Variants in LRRTM4 observed in about 807,000 individuals in gnomAD.
LRRTM4 encodes the protein leucine-rich repeat transmembrane neuronal protein 4.
Under a neutral mutation model 47.6 loss-of-function variants are expected in LRRTM4, and 25 were observed. The observed-to-expected ratio is 0.53, with a 90% confidence interval of 0.38 to 0.73. The LOEUF (loss-of-function observed/expected upper bound fraction) is 0.73. Ranked by LOEUF, LRRTM4 falls within the 30% of genes least tolerant of loss-of-function variation. The pLI is 0.00. For synonymous variants in LRRTM4, 311 were observed against 269.5 expected, an observed-to-expected ratio of 1.15 and a Z score of -1.51; for missense variants, 638 against 713.4, an observed-to-expected ratio of 0.89 and a Z score of 1.20.
intron 3 of LRRTM4, among the ~76,000 whole-genome samples, chr2:76,994,444 G>A (rs1374393): frequency 0.086 from 13,116 of 151,886 alleles, 907 homozygotes; most frequent in East Asian, 0.38. Flanking sequence ...GGATTGGAGA[G>A]CATAGAGAAC....
intron 3 of LRRTM4, among the ~76,000 whole-genome samples, chr2:77,018,191 A>G (rs986439259): frequency 6.8e-6 from 1 of 147,894 alleles, no homozygotes; most frequent in African/African-American, 2.5e-5. Context: ...CCCCCAAAGA[A>G]AAATTTTTTT....
chr2:77,054,098 T>G (rs1341417344), intron 3 of LRRTM4, among the ~76,000 whole-genome samples: 1 of 152,068 alleles, frequency 6.6e-6, no homozygotes, highest in South Asian at 2.1e-4. Context: ...GTCTCAGATT[T>G]TTCGTCCAAA....
At chr2:77,393,633 G>A (rs377041067) in intron 3 of LRRTM4, among the ~76,000 whole-genome samples, 8 of 152,134 alleles carry the variant, frequency 5.3e-5, no homozygotes, top group African/African-American at 1.9e-4. Flanking sequence ...CTGTGATCAG[G>A]TTTGTTTTTT....
At chr2:77,044,640 C>G (rs957813305) in intron 3 of LRRTM4, among the ~76,000 whole-genome samples, 2 of 150,096 alleles carry the variant, frequency 1.3e-5, no homozygotes, top group Non-Finnish European at 3.0e-5. Context: ...TATATATATA[C>G]ACACAAACAT....
intron 3 of LRRTM4, among the ~76,000 whole-genome samples, chr2:77,325,380 G>C (rs144468989): frequency 1.3e-5 from 2 of 152,142 alleles, no homozygotes; most frequent in Admixed American, 1.3e-4. Context: ...CAGTTTGGGA[G>C]GCACTGGGTT....
rs145536693 is a variant in LRRTM4 at position 76,911,463 on chromosome 2, C to A, written c.1552-162547G>T. 5.9e-3 allele frequency among the ~76,000 whole-genome samples: 897 copies of A among 152,252 alleles called. 15 individuals are homozygous for A. Among genetic ancestry groups the A allele is most frequent in the African/African-American group, 0.021 (857 of 41,540 alleles). Reference sequence around the variant, plus strand: ...ATATAAATCTCTTTGTTTTTGTATTCCCATCAAGAATTTCAAAAATTTTAA... The same window carrying A: ...ATATAAATCTCTTTGTTTTTGTATTACCATCAAGAATTTCAAAAATTTTAA... On this transcript the variant is annotated intron_variant, in intron 3 of 3. Coordinates refer to ENST00000409884, the MANE Select transcript of LRRTM4 (RefSeq NM_001134745.3).
chr2:77,341,486 A>G (rs1336216338), intron 3 of LRRTM4, among the ~76,000 whole-genome samples: 5 of 152,036 alleles, frequency 3.3e-5, no homozygotes, highest in Non-Finnish European at 7.4e-5. Flanking sequence ...CTGCTATTGA[A>G]GAGTCCATAT....
intron 3 of LRRTM4, among the ~76,000 whole-genome samples, chr2:77,067,922 T>C (rs1450206399): frequency 6.6e-6 from 1 of 152,108 alleles, no homozygotes; most frequent in Admixed American, 6.6e-5. Context: ...AAGTGATATA[T>C]TTTCATGACA....
intron 3 of LRRTM4, among the ~76,000 whole-genome samples, chr2:77,039,224 G>A (rs1299514417): frequency 6.6e-6 from 1 of 151,216 alleles, no homozygotes; most frequent in African/African-American, 2.4e-5. Context: ...GAAAAAGTAG[G>A]GGCAGCTTAA....
intron 3 of LRRTM4, among the ~76,000 whole-genome samples, chr2:76,893,342 C>A (rs936792704): frequency 6.6e-6 from 1 of 151,496 alleles, no homozygotes; most frequent in Non-Finnish European, 1.5e-5. Flanking sequence ...TTGTAAAAAG[C>A]CATTATTAAT....
chr2:77,000,675 T>G (rs1677387486), intron 3 of LRRTM4, among the ~76,000 whole-genome samples: 1 of 152,186 alleles, frequency 6.6e-6, no homozygotes, highest in African/African-American at 2.4e-5. Flanking sequence ...GATTCATGTT[T>G]TGGTTTGTTC....
chr2:76,917,120 G>A (rs959143881), intron 3 of LRRTM4, among the ~76,000 whole-genome samples: 1 of 152,138 alleles, frequency 6.6e-6, no homozygotes, highest in Admixed American at 6.5e-5. Context: ...TAGACATTGT[G>A]AATTGTATAG....
In LRRTM4 at chr2:77,030,650, G is replaced by C. The variant is rs941108019; in HGVS notation, c.1552-281734C>G. On this transcript the variant is annotated intron_variant, in intron 3 of 3. Transcript: ENST00000409884. ...CAAAACTAAGGATAACAACCAAAAA[G>C]ACTCCTTGATAAAGAACAATTTAAT... 3.3e-5 allele frequency among the ~76,000 whole-genome samples: 5 copies of C among 151,930 alleles called. No homozygotes were observed. The South Asian group carries it at 6.2e-4, about 19-fold the overall frequency.
At chr2:76,927,377 T>C (rs922647284) in intron 3 of LRRTM4, among the ~76,000 whole-genome samples, 2 of 152,126 alleles carry the variant, frequency 1.3e-5, no homozygotes, top group Admixed American at 6.6e-5. Flanking sequence ...CCTTGCTGTA[T>C]AACGGTTCTA....
At chr2:76,898,195 T>C (rs958412991) in intron 3 of LRRTM4, among the ~76,000 whole-genome samples, 12 of 147,636 alleles carry the variant, frequency 8.1e-5, no homozygotes, top group Non-Finnish European at 6.1e-5. Context: ...ATGTAGAGAC[T>C]ATGTACTTGC....
At chr2:76,883,889 G>C (rs1016994494) in intron 3 of LRRTM4, among the ~76,000 whole-genome samples, 1 of 152,016 alleles carries the variant, frequency 6.6e-6, no homozygotes, top group Non-Finnish European at 1.5e-5. Flanking sequence ...ATTTAAATTA[G>C]CTCACTGTAG....
rs1439740629 is a variant in LRRTM4, at chr2:77,276,710, TATA to T, written c.1551+241605_1551+241607del. On this transcript the variant is annotated intron_variant, in intron 3 of 3. Coordinates refer to ENST00000409884, the MANE Select transcript of LRRTM4 (RefSeq NM_001134745.3). ...GCATATATATATATATATATATATATATATATATATATATATATATATGTTTTC... is the reference window on the plus strand; with the variant it reads ...GCATATATATATATATATATATATATTATATATATATATATATATGTTTTC... Among the ~76,000 whole-genome samples, 81 of 133,088 alleles carry T rather than the reference TATA, an allele frequency of 6.1e-4. 2 individuals carry two copies. Among genetic ancestry groups the T allele is most frequent in the African/African-American group, 2.3e-3 (80 of 34,952 alleles). The allele number at this position is 133,088 out of a possible 152,430, so 87.3% of individuals were successfully genotyped here. A position where few individuals can be genotyped will look rare whatever the true frequency, so the allele number is the denominator to read the frequency against.
intron 3 of LRRTM4, among the ~76,000 whole-genome samples, chr2:77,238,226 A>G (rs1294239137): frequency 3.3e-5 from 5 of 152,168 alleles, no homozygotes; most frequent in African/African-American, 4.8e-5. Flanking sequence ...TACGATCTAT[A>G]TGTATCCTAT....
chr2:77,037,592 TG>T (rs1370709465), intron 3 of LRRTM4, among the ~76,000 whole-genome samples: 2 of 151,706 alleles, frequency 1.3e-5, no homozygotes, highest in Non-Finnish European at 3.0e-5. Context: ...CTTAACACAT[TG>T]TGTCTCATGC....
Sources: gnomAD v4.1 joint callset for allele counts (sites outside exome capture counted in the v4.1 genomes callset) on GRCh38, gnomAD v4.1.1 for gene constraint, MANE v1.5 for transcripts, NCBI Gene and HGNC (gene_info 2026-07-23, HGNC 2026-07-21) for gene names.